Variants in SLC22A14 observed in about 807,000 individuals in gnomAD.
The protein encoded by SLC22A14 is organic cation transporter-like 4.
A neutral mutation model predicts 53.9 loss-of-function variants in SLC22A14; 50 were observed. The ratio of observed to expected loss-of-function variants is 0.93; its 90% CI spans 0.74 to 1.17. The LOEUF (loss-of-function observed/expected upper bound fraction) is 1.17, where lower values mean the gene tolerates loss of function less well. SLC22A14 is among the 50% of genes most tolerant of loss of function. The probability of loss-of-function intolerance (pLI) is 0.00; values close to 1 mark genes in which losing one functional copy is unlikely to be tolerated. For missense variants in SLC22A14, 671 were observed against 734.7 expected, an observed-to-expected ratio of 0.91 and a Z score of 1.00; for synonymous variants, 312 against 303.0, an observed-to-expected ratio of 1.03 and a Z score of -0.31.
intron 1 of SLC22A14, among the ~76,000 whole-genome samples, chr3:38,289,283 C>G (rs1175306820): frequency 6.6e-6 from 1 of 152,022 alleles, no homozygotes; most frequent in East Asian, 1.9e-4. Flanking sequence ...CTTATCTAAC[C>G]CAGAAAATTA....
chr3:38,313,529 C>A, intron 7 of SLC22A14, 44 bp downstream of exon 7: 1 of 1,397,894 alleles, frequency 7.2e-7, no homozygotes, highest in Non-Finnish European at 1.0e-6. Context: ...AACAGGTGCG[C>A]AGGCTGGAAA....
At chr3:38,280,165 T>C (rs984395662), upstream of SLC22A14, among the ~76,000 whole-genome samples, 1 of 152,210 alleles carries the variant, frequency 6.6e-6, no homozygotes, top group Non-Finnish European at 1.5e-5. Context: ...TGGAGGACTT[T>C]CCAGGCCTCC....
chr3:38,302,312 ATATATATACATATATATT>A (rs1443296854), intron 1 of SLC22A14, among the ~76,000 whole-genome samples: 24 of 145,672 alleles, frequency 1.6e-4, no homozygotes, highest in East Asian at 5.9e-4. Context: ...ATATATATTT[ATATATATACATATATATT>A]TATATATATA....
At position 38,306,234 on chromosome 3, in the gene SLC22A14, G is replaced by A; in HGVS notation, c.208G>A (p.Val70Ile). The A allele has an allele frequency of 6.2e-7, 1 of 1,614,192 alleles. No individual in the cohort carries two copies. Among genetic ancestry groups the A allele is most frequent in the African/African-American group, 1.3e-5 (1 of 75,032 alleles). Residue 70 changes from valine (V) to isoleucine (I), a missense_variant, in exon 2 of 11, where the codon GTA becomes ATA. Coordinates refer to ENST00000448498, the MANE Select transcript of SLC22A14 (RefSeq NM_001320033.2). The part of the protein sequence containing the change: ...GEFGTFQQRL[V>I]ALTFIPSIMS... ...GTTTGGCACATTCCAGCAGAGGCTA[G>A]TAGCCCTCACCTTTATCCCCAGCAT...
At chr3:38,313,243 T>G (rs1704522842) in intron 6 of SLC22A14, 124 bp downstream of exon 6, 2 of 1,457,962 alleles carry the variant, frequency 1.4e-6, no homozygotes, top group Admixed American at 1.8e-5. Context: ...TTAAGGACAA[T>G]GGTGACAGCA....
Position 38,318,348 on chromosome 3 carries a change from C to G in SLC22A14, c.*99C>G. ...TTGAAGCAATTCAATAAAGAGGAAGCAAACAGCCAGGCTCCCTGAGGGCCA... is the reference window on the plus strand; with the variant it reads ...TTGAAGCAATTCAATAAAGAGGAAGGAAACAGCCAGGCTCCCTGAGGGCCA... On this transcript the variant is annotated 3_prime_UTR_variant, in exon 11 of 11. Transcript: ENST00000448498. 8.4e-7 allele frequency: 1 copy of G among 1,193,808 alleles called. No individual in the cohort carries two copies. Among genetic ancestry groups the G allele is most frequent in the Non-Finnish European group, 1.2e-6 (1 of 800,046 alleles). The allele number at this position is 1,193,808 out of a possible 1,614,324, so 74.0% of individuals were successfully genotyped here. A position where few individuals can be genotyped will look rare whatever the true frequency, so the allele number is the denominator to read the frequency against.
chr3:38,313,573 G>A lies in SLC22A14; in HGVS notation c.1163+88G>A. On this transcript the variant is annotated intron_variant, in intron 7 of 10. Coordinates refer to ENST00000448498, the MANE Select transcript of SLC22A14 (RefSeq NM_001320033.2). ...AGAGGATGGGAATGGTCAGGCTGCAGGGGAGGCAGCCCAAGGACACAGATC... is the reference window on the plus strand; with the variant it reads ...AGAGGATGGGAATGGTCAGGCTGCAAGGGAGGCAGCCCAAGGACACAGATC... The A allele has an allele frequency of 3.7e-6, 4 of 1,080,624 alleles. No individual in the cohort carries two copies. The South Asian group carries it at 5.0e-5, about 14-fold the overall frequency. 66.9% of individuals were successfully genotyped at this position (1,080,624 alleles called of 1,614,324 possible).
At chr3:38,280,135 A>G (rs2125865759), upstream of SLC22A14, among the ~76,000 whole-genome samples, 1 of 152,314 alleles carries the variant, frequency 6.6e-6, no homozygotes, top group African/African-American at 2.4e-5. Context: ...ATGAGGTGTC[A>G]TGAAGAGAAC....
At chr3:38,299,085 C>G (rs1371263869) in intron 1 of SLC22A14, among the ~76,000 whole-genome samples, 1 of 152,086 alleles carries the variant, frequency 6.6e-6, no homozygotes, top group Non-Finnish European at 1.5e-5. Context: ...TAGATTAGTC[C>G]TTTTCTTCCC....
At position 38,283,544 on chromosome 3, in the gene SLC22A14, C is replaced by G. The variant is rs9857132; in HGVS notation, c.-1+1205C>G. ...TCCTGCATGCACACATCAGAAGTAGCAGGAGCCGGGTGCAGTGGCTCACGC... is the reference window on the plus strand; with the variant it reads ...TCCTGCATGCACACATCAGAAGTAGGAGGAGCCGGGTGCAGTGGCTCACGC... On this transcript the variant is annotated intron_variant, in intron 1 of 10. Coordinates refer to ENST00000448498, the MANE Select transcript of SLC22A14 (RefSeq NM_001320033.2). 8.7e-3 allele frequency among the ~76,000 whole-genome samples: 1,323 copies of G among 152,246 alleles called. 14 individuals are homozygous for G. Among genetic ancestry groups the G allele is most frequent in the African/African-American group, 0.031 (1,271 of 41,542 alleles).
At chr3:38,318,112 TG>T (rs1464680390) in intron 10 of SLC22A14, 85 bp from the exon 11 acceptor site, 27 of 1,253,204 alleles carry the variant, frequency 2.2e-5, no homozygotes, top group Non-Finnish European at 2.9e-5. Flanking sequence ...AACGCAGGGT[TG>T]GGCGCTGCTG....
At chr3:38,290,442 A>G (rs1703888020) in intron 1 of SLC22A14, among the ~76,000 whole-genome samples, 1 of 152,220 alleles carries the variant, frequency 6.6e-6, no homozygotes, top group Admixed American at 6.5e-5. Flanking sequence ...GGAAGAGACA[A>G]ACTTAACAAA....
chr3:38,308,248 GAGGAGA>G (rs1401230937), intron 4 of SLC22A14: 6 of 161,812 alleles, frequency 3.7e-5, no homozygotes, highest in Admixed American at 5.9e-5. Flanking sequence ...AGAGGAGGAG[GAGGAGA>G]AGAAGAAGAA....
chr3:38,291,386 G>A (rs1703910658), intron 1 of SLC22A14, among the ~76,000 whole-genome samples: 1 of 152,220 alleles, frequency 6.6e-6, no homozygotes. Flanking sequence ...GTTAAGAGTT[G>A]CACAAGTGCA....
intron 2 of SLC22A14, 33 bp downstream of exon 2, chr3:38,306,575 C>T: frequency 6.3e-7 from 1 of 1,575,388 alleles, no homozygotes; most frequent in Non-Finnish European, 8.6e-7. Context: ...TGTAACTACC[C>T]TACAGGCTCA....
chr3:38,279,111 G>A (rs945034178), upstream of SLC22A14, among the ~76,000 whole-genome samples: 4 of 152,154 alleles, frequency 2.6e-5, no homozygotes, highest in Non-Finnish European at 5.9e-5. Context: ...CCAGTTTCCT[G>A]TAAACCCAGC....
At chr3:38,287,437 G>A (rs1263537182) in intron 1 of SLC22A14, among the ~76,000 whole-genome samples, 1 of 152,024 alleles carries the variant, frequency 6.6e-6, no homozygotes, top group African/African-American at 2.4e-5. Flanking sequence ...GAAATTTAAG[G>A]CCTTAATAGG....
chr3:38,300,580 A>G (rs899719366), intron 1 of SLC22A14, among the ~76,000 whole-genome samples: 2 of 152,224 alleles, frequency 1.3e-5, no homozygotes, highest in African/African-American at 4.8e-5. Flanking sequence ...CAATGAAAGT[A>G]CATGGGAAGC....
intron 1 of SLC22A14, among the ~76,000 whole-genome samples, chr3:38,303,538 A>C (rs562008322): frequency 6.6e-6 from 1 of 151,832 alleles, no homozygotes; most frequent in Admixed American, 6.6e-5. Context: ...AGTTATCTCT[A>C]TCTCTATCAT....
Sources: allele counts gnomAD v4.1 joint callset (sites outside exome capture counted in the v4.1 genomes callset), GRCh38; gene constraint gnomAD v4.1.1; transcripts MANE v1.5; gene names NCBI Gene and HGNC (gene_info 2026-07-23, HGNC 2026-07-21).